The following MAL2 variants were observed in gnomAD, a reference collection of about 807,000 sequenced individuals.
MAL2 encodes mal, T cell differentiation protein 2, also known as protein MAL2.
A neutral mutation model predicts 18.1 loss-of-function variants in MAL2; 17 were observed. The observed-to-expected ratio is 0.94, with a 90% CI of 0.64 to 1.41. The LOEUF (loss-of-function observed/expected upper bound fraction) is 1.41, where lower values mean the gene tolerates loss of function less well. MAL2 is among the 40% of genes most tolerant of loss of function. MAL2 has a pLI of 0.00. For missense variants in MAL2, 222 were observed against 231.9 expected (o/e 0.96, Z 0.28); for synonymous variants, 102 against 102.3 (o/e 1.00, Z 0.02).
intron 2 of MAL2, among the ~76,000 whole-genome samples, chr8:119,227,684 C>G (rs1050655574): frequency 2.0e-5 from 3 of 152,114 alleles, no homozygotes; most frequent in Admixed American, 2.0e-4. Flanking sequence ...TTAGATGCTC[C>G]ACTCTCCTCT....
At chr8:119,239,590 A>G (rs1818001026) in intron 2 of MAL2, among the ~76,000 whole-genome samples, 1 of 151,978 alleles carries the variant, frequency 6.6e-6, no homozygotes, top group Non-Finnish European at 1.5e-5. Flanking sequence ...CTATGCAGCC[A>G]TAAAAAATGA....
chr8:119,212,598 A>G (rs917164320), intron 1 of MAL2, among the ~76,000 whole-genome samples: 8 of 152,238 alleles, frequency 5.3e-5, no homozygotes, highest in Non-Finnish European at 7.3e-5. Context: ...ATAGGTTTAT[A>G]AAAAGTATTG....
rs114767011 is a variant in MAL2 at position 119,222,571 on chromosome 8, T to C, written c.303+814T>C. 7.7e-3 allele frequency among the ~76,000 whole-genome samples: 1,158 copies of C among 150,808 alleles called. 14 individuals carry two copies. Among genetic ancestry groups the C allele is most frequent in the African/African-American group, 0.025 (1,017 of 40,994 alleles). On this transcript the variant is annotated intron_variant, in intron 2 of 3. Coordinates refer to ENST00000614891, the MANE Select transcript of MAL2 (RefSeq NM_052886.3). ...GACCAAGTGCAGTGGCTCATGCCTA[T>C]AGTCCCAGGACTTTGGGAAGCTGAG...
intron 2 of MAL2, among the ~76,000 whole-genome samples, chr8:119,237,323 G>A (rs1388770448): frequency 1.3e-5 from 2 of 151,496 alleles, no homozygotes; most frequent in East Asian, 1.9e-4. Flanking sequence ...AAGAGTCCAG[G>A]ACCAGATGGA....
Position 119,232,102 on chromosome 8 carries a change from A to AT in MAL2, c.304-8056dup, listed in dbSNP as rs547440049. Reference sequence around the variant, plus strand: ...AAGATAATTTTGGGAGGTTTTATATATTTTTTTATATATTTATGTATATAT... The same window carrying AT: ...AAGATAATTTTGGGAGGTTTTATATATTTTTTTTATATATTTATGTATATAT... On this transcript the variant is annotated intron_variant, in intron 2 of 3. Transcript: ENST00000614891. Among the ~76,000 whole-genome samples, 18 of 131,224 alleles carry AT rather than the reference A, an allele frequency of 1.4e-4. No homozygotes were observed. In the South Asian group the frequency reaches 2.4e-3, roughly 18 times the overall value. The allele number at this position is 131,224 out of a possible 152,430, so 86.1% of individuals were successfully genotyped here.
At chr8:119,242,552 T>G (rs1166376484) in intron 3 of MAL2, among the ~76,000 whole-genome samples, 2 of 152,186 alleles carry the variant, frequency 1.3e-5, no homozygotes, top group East Asian at 3.9e-4. Context: ...TATCAAAAGC[T>G]ATTGCTGTCA....
At chr8:119,237,718 G>A (rs1347972865) in intron 2 of MAL2, among the ~76,000 whole-genome samples, 1 of 151,660 alleles carries the variant, frequency 6.6e-6, no homozygotes, top group African/African-American at 2.4e-5. Context: ...TGCAGAAAAA[G>A]CCTTTGACAA....
rs572526663 is a variant in MAL2, at chr8:119,227,084, T to C, written c.303+5327T>C. ...CCTATACTAGGCCCTGGGAATACAA[T>C]TGTGAAAAAAGACAGATCTAGCAGT... On this transcript the variant is annotated intron_variant, in intron 2 of 3. Transcript: ENST00000614891. Among the ~76,000 whole-genome samples the C allele has an allele frequency of 4.0e-4, 61 of 152,250 alleles. 1 individual carries two copies. The highest frequency in any genetic ancestry group is 1.4e-3 in the African/African-American group (59 of 41,546).
intron 1 of MAL2, among the ~76,000 whole-genome samples, chr8:119,219,567 CAGAG>C (rs142374180): frequency 0.072 from 10,239 of 142,448 alleles, 424 homozygotes; most frequent in Non-Finnish European, 0.096. Context: ...GAGAGAGAGA[CAGAG>C]AGAGAGAGAG....
chr8:119,220,636 C>T (rs1212107659), intron 1 of MAL2, among the ~76,000 whole-genome samples: 1 of 152,186 alleles, frequency 6.6e-6, no homozygotes, highest in East Asian at 1.9e-4. Flanking sequence ...CCCACCAGCA[C>T]ATGCCCCTCC....
At chr8:119,232,686 A>AAAATAAAATTACAT (rs1367192656) in intron 2 of MAL2, among the ~76,000 whole-genome samples, 8 of 152,232 alleles carry the variant, frequency 5.3e-5, no homozygotes, top group Non-Finnish European at 1.0e-4. Context: ...TAACTGCTCA[A>AAAATAAAATTACAT]AAATAAAATT....
At chr8:119,232,099 T>A (rs1817743783) in intron 2 of MAL2, among the ~76,000 whole-genome samples, 1 of 148,042 alleles carries the variant, frequency 6.8e-6, no homozygotes, top group Non-Finnish European at 1.5e-5. Flanking sequence ...GGAGGTTTTA[T>A]ATATTTTTTT....
At position 119,243,961 on chromosome 8, in the gene MAL2, T is replaced by G. The variant is rs2129937383; in HGVS notation, c.*473T>G. The G allele has an allele frequency of 6.5e-6, 1 of 152,928 alleles. No homozygotes were observed. The highest frequency in any genetic ancestry group is 3.4e-3 in the Middle Eastern group (1 of 294). The allele number at this position is 152,928 out of a possible 1,614,324, so 9.5% of individuals were successfully genotyped here. Reference sequence around the variant, plus strand: ...TTAGAATGGGCCAGATGGTAAATATTTATGCTTCACGGTCCATACAGTCTC... The same window carrying G: ...TTAGAATGGGCCAGATGGTAAATATGTATGCTTCACGGTCCATACAGTCTC... On this transcript the variant is annotated 3_prime_UTR_variant, in exon 4 of 4. Coordinates refer to ENST00000614891, the MANE Select transcript of MAL2 (RefSeq NM_052886.3).
chr8:119,233,458 G>T (rs545768706), intron 2 of MAL2, among the ~76,000 whole-genome samples: 2,243 of 152,072 alleles, frequency 0.015, 56 homozygotes, highest in African/African-American at 0.052. Flanking sequence ...AAAGAGAGAA[G>T]AATCAAATAG....
intron 2 of MAL2, among the ~76,000 whole-genome samples, chr8:119,239,111 G>A (rs1473114168): frequency 6.6e-6 from 1 of 152,180 alleles, no homozygotes; most frequent in Non-Finnish European, 1.5e-5. Context: ...AAAAGTGGGT[G>A]AAGGATATGA....
At chr8:119,231,396 A>G (rs1165589780) in intron 2 of MAL2, among the ~76,000 whole-genome samples, 5 of 152,228 alleles carry the variant, frequency 3.3e-5, no homozygotes, top group East Asian at 3.8e-4. Flanking sequence ...AAGCAGTGCA[A>G]TGCTCTCCTT....
At chr8:119,213,673 G>T (rs1369807014) in intron 1 of MAL2, among the ~76,000 whole-genome samples, 2 of 152,050 alleles carry the variant, frequency 1.3e-5, no homozygotes, top group Non-Finnish European at 2.9e-5. Flanking sequence ...TACAAAATTA[G>T]CCAGGTGTGG....
intron 1 of MAL2, among the ~76,000 whole-genome samples, chr8:119,211,696 A>T (rs77931289): frequency 1.5e-5 from 2 of 135,604 alleles, no homozygotes; most frequent in Non-Finnish European, 3.1e-5. Flanking sequence ...GTGCATAGTG[A>T]TTTTTTTTTT....
intron 2 of MAL2, among the ~76,000 whole-genome samples, chr8:119,234,240 A>G (rs1489181033): frequency 1.3e-5 from 2 of 152,230 alleles, no homozygotes; most frequent in Non-Finnish European, 2.9e-5. Flanking sequence ...CGAATATTGC[A>G]CTTTTCAGAC....
Sources: allele counts gnomAD v4.1 joint callset (sites outside exome capture counted in the v4.1 genomes callset), GRCh38; gene constraint gnomAD v4.1.1; transcripts MANE v1.5; gene names NCBI Gene and HGNC (gene_info 2026-07-23, HGNC 2026-07-21).